FER: variants seen among roughly 807,000 people sequenced by gnomAD.
FER encodes the protein FER tyrosine kinase.
In FER, 63 loss-of-function variants were observed where a neutral mutation model predicts 111.0. The observed-to-expected ratio is 0.57, with a 90% CI of 0.46 to 0.70. The LOEUF is 0.70. Among genes scored for constraint, FER ranks in the 30% least tolerant of loss-of-function variants. The pLI is 0.00. For synonymous variants in FER, 327 were observed against 313.9 expected, an observed-to-expected ratio of 1.04 and a Z score of -0.44; for missense variants, 914 against 954.0, an observed-to-expected ratio of 0.96 and a Z score of 0.55.
At chr5:109,142,259 AATT>A (rs1441194961) in intron 17 of FER, among the ~76,000 whole-genome samples, 4 of 152,198 alleles carry the variant, frequency 2.6e-5, no homozygotes, top group Non-Finnish European at 5.9e-5. Flanking sequence ...TAAAAATAAT[AATT>A]AAGTTGTCGA....
intron 17 of FER, among the ~76,000 whole-genome samples, chr5:109,167,522 C>G (rs1756680968): frequency 6.6e-6 from 1 of 152,116 alleles, no homozygotes; most frequent in Admixed American, 6.6e-5. Context: ...CTTTTATAGT[C>G]CAAGTTACAT....
intron 10 of FER, among the ~76,000 whole-genome samples, chr5:108,906,704 A>G (rs962870390): frequency 2.0e-5 from 3 of 151,994 alleles, no homozygotes; most frequent in Non-Finnish European, 4.4e-5. Context: ...TTTAATTTGA[A>G]TGAAAGAAAA....
At chr5:108,980,735 A>G (rs1761933426) in intron 13 of FER, among the ~76,000 whole-genome samples, 1 of 152,134 alleles carries the variant, frequency 6.6e-6, no homozygotes, top group African/African-American at 2.4e-5. Context: ...AAGACTGAGC[A>G]TTTTCATTAT....
chr5:109,050,095 A>G (rs971189536), intron 16 of FER, among the ~76,000 whole-genome samples: 2 of 152,352 alleles, frequency 1.3e-5, no homozygotes, highest in Non-Finnish European at 2.9e-5. Flanking sequence ...CACATTAATG[A>G]CTAAAGCCTG....
At chr5:108,751,063 A>G (rs927430691) in intron 1 of FER, among the ~76,000 whole-genome samples, 4 of 152,088 alleles carry the variant, frequency 2.6e-5, no homozygotes, top group Non-Finnish European at 5.9e-5. Flanking sequence ...ATGGTGGTGC[A>G]TGCCTGTAAT....
At chr5:108,779,951 AACAT>A (rs779264509) in intron 2 of FER, among the ~76,000 whole-genome samples, 4 of 152,198 alleles carry the variant, frequency 2.6e-5, no homozygotes, top group Non-Finnish European at 5.9e-5. Context: ...CTTATAGATA[AACAT>A]ACATAAGCAT....
intron 8 of FER, among the ~76,000 whole-genome samples, chr5:108,877,572 T>C (rs1306517131): frequency 1.3e-5 from 2 of 152,262 alleles, no homozygotes; most frequent in Non-Finnish European, 2.9e-5. Flanking sequence ...CTTGCAATTA[T>C]ATTTTAAGAA....
chr5:108,816,341 A>G (rs1327554678), intron 3 of FER, among the ~76,000 whole-genome samples: 1 of 152,104 alleles, frequency 6.6e-6, no homozygotes, highest in African/African-American at 2.4e-5. Context: ...TGTGAGCCAC[A>G]CTCATCCACA....
chr5:109,137,527 T>C (rs1034609144), intron 17 of FER, among the ~76,000 whole-genome samples: 3 of 152,278 alleles, frequency 2.0e-5, no homozygotes, highest in Non-Finnish European at 4.4e-5. Context: ...CTTCCAATTG[T>C]AGAGAATAAA....
intron 10 of FER, among the ~76,000 whole-genome samples, chr5:108,899,864 G>T (rs1350229042): frequency 6.6e-6 from 1 of 151,862 alleles, no homozygotes. Context: ...TTGAAGAAAA[G>T]TTTTGTTTAA....
chr5:108,844,085 C>CGTGTGAACATATGT (rs1372731776), intron 5 of FER, among the ~76,000 whole-genome samples: 1 of 79,252 alleles, frequency 1.3e-5, no homozygotes, highest in Non-Finnish European at 2.8e-5. Flanking sequence ...AACATATATG[C>CGTGTGAACATATGT]GTGTGAACAT....
intron 2 of FER, among the ~76,000 whole-genome samples, chr5:108,774,408 G>T (rs1318449575): frequency 6.6e-6 from 1 of 152,094 alleles, no homozygotes; most frequent in African/African-American, 2.4e-5. Flanking sequence ...TGTTCCTTTG[G>T]ATATAGACCC....
intron 2 of FER, among the ~76,000 whole-genome samples, chr5:108,781,083 C>A (rs1210233864): frequency 6.6e-6 from 1 of 152,158 alleles, no homozygotes; most frequent in East Asian, 1.9e-4. Flanking sequence ...CATTAGAACC[C>A]TTAGCATATT....
At chr5:109,093,529 AT>A (rs1458441139) in intron 16 of FER, among the ~76,000 whole-genome samples, 1 of 152,062 alleles carries the variant, frequency 6.6e-6, no homozygotes, top group Admixed American at 6.6e-5. Context: ...ATTGTATGAC[AT>A]TTTCTGTTTT....
chr5:109,033,919 T>C (rs886853429), intron 13 of FER, among the ~76,000 whole-genome samples: 2 of 152,212 alleles, frequency 1.3e-5, no homozygotes, highest in Non-Finnish European at 2.9e-5. Flanking sequence ...TATATGTATA[T>C]ATTGTGGAAT....
intron 1 of FER, among the ~76,000 whole-genome samples, chr5:108,756,846 G>A (rs1256420461): frequency 6.6e-6 from 1 of 151,980 alleles, no homozygotes; most frequent in African/African-American, 2.4e-5. Flanking sequence ...TAACCTCCCA[G>A]GTAGAGACAG....
At chr5:109,090,715 A>G (rs774192011) in intron 16 of FER, among the ~76,000 whole-genome samples, 89 of 152,216 alleles carry the variant, frequency 5.8e-4, no homozygotes, top group Admixed American at 1.1e-3. Flanking sequence ...TAGTAGTGGA[A>G]TTCAGCAACA....
intron 6 of FER, among the ~76,000 whole-genome samples, chr5:108,868,206 A>G (rs550188829): frequency 1.5e-4 from 23 of 152,176 alleles, no homozygotes; most frequent in African/African-American, 4.6e-4. Flanking sequence ...AATTTAAATG[A>G]AAAAATTATA....
intron 13 of FER, among the ~76,000 whole-genome samples, chr5:109,034,570 C>T (rs929202959): frequency 2.0e-5 from 3 of 152,092 alleles, no homozygotes; most frequent in Admixed American, 6.5e-5. Context: ...AAATCCTTGA[C>T]ATGGCTTCTT....
Sources: gnomAD v4.1 joint callset for allele counts (sites outside exome capture counted in the v4.1 genomes callset) on GRCh38, gnomAD v4.1.1 for gene constraint, MANE v1.5 for transcripts, NCBI Gene and HGNC (gene_info 2026-07-23, HGNC 2026-07-21) for gene names.